The following ATP10D variants were observed in gnomAD, a reference collection of about 807,000 sequenced individuals.
The protein encoded by ATP10D is phospholipid-transporting ATPase VD.
Under a neutral mutation model 144.8 loss-of-function variants are expected in ATP10D, and 89 were observed. The ratio of observed to expected loss-of-function variants is 0.61; its 90% CI spans 0.52 to 0.73. The LOEUF (loss-of-function observed/expected upper bound fraction) is 0.73. Ranked by LOEUF, ATP10D falls within the 30% of genes least tolerant of loss-of-function variation. ATP10D has a pLI of 0.00. For synonymous variants in ATP10D, 571 were observed against 615.1 expected (o/e 0.93, Z 1.06); for missense variants, 1,603 against 1,714.8 (o/e 0.93, Z 1.15).
chr4:47,533,909 A>G (rs952366488), intron 5 of ATP10D, among the ~76,000 whole-genome samples: 1 of 152,168 alleles, frequency 6.6e-6, no homozygotes, highest in Non-Finnish European at 1.5e-5. Context: ...AAGGACTTAA[A>G]TGAGTCACAA....
intron 9 of ATP10D, 132 bp downstream of exon 9, chr4:47,537,070 G>T: frequency 1.9e-6 from 2 of 1,077,220 alleles, no homozygotes; most frequent in South Asian, 1.8e-5. Flanking sequence ...GCTTCCAGAT[G>T]GCCTTTAAAC....
At chr4:47,562,844 T>TAC (rs202007508) in intron 14 of ATP10D, among the ~76,000 whole-genome samples, 35 of 151,470 alleles carry the variant, frequency 2.3e-4, no homozygotes, top group East Asian at 3.9e-4. Flanking sequence ...TATATATATA[T>TAC]ACACACACAC....
chr4:47,537,063 TCC>T, intron 9 of ATP10D, 125 bp downstream of exon 9: 3 of 1,130,000 alleles, frequency 2.7e-6, no homozygotes, highest in Non-Finnish European at 3.7e-6. Flanking sequence ...ACTTAATGCT[TCC>T]AGATGGCCTT....
chr4:47,531,766 T>C (rs1048459038), intron 5 of ATP10D, among the ~76,000 whole-genome samples: 22 of 152,142 alleles, frequency 1.4e-4, no homozygotes, highest in South Asian at 4.1e-4. Context: ...GCTGCCATTT[T>C]TTCACCTGAG....
intron 15 of ATP10D, among the ~76,000 whole-genome samples, chr4:47,564,568 C>T (rs1251676417): frequency 6.6e-6 from 1 of 151,988 alleles, no homozygotes; most frequent in Non-Finnish European, 1.5e-5. Context: ...CTAGGTAGTG[C>T]TCCCGAGAAT....
rs1225545531 is a variant in ATP10D at position 47,568,918 on chromosome 4, A to G, written c.2935A>G (p.Ser979Gly). The G allele has an allele frequency of 6.2e-7, 1 of 1,614,212 alleles. No individual in the cohort carries two copies. The highest frequency in any genetic ancestry group is 1.1e-5 in the South Asian group (1 of 91,084). The stretch of plus-strand genomic sequence containing the variant: ...AGCCCTGCCAGAGCAAGTGTCATTA[A>G]GTGAAGATTTACTTCAGCCTCCTGT... ...TQALPEQVSL[S>G]EDLLQPPVPR... is the part of the protein sequence containing the mutation. The change falls in exon 16 of 23, where the codon AGT becomes GGT. Residue 979 changes from serine to glycine, a missense_variant. Ser to Gly is a moderately conservative substitution (Grantham distance 56). Transcript: ENST00000273859.
intron 22 of ATP10D, among the ~76,000 whole-genome samples, chr4:47,589,106 G>A (rs79565990): frequency 0.044 from 6,759 of 152,170 alleles, 523 homozygotes; most frequent in African/African-American, 0.15. Flanking sequence ...ATGACTATGG[G>A]ATCATGGATT....
chr4:47,550,649 T>C (rs1299239941), intron 10 of ATP10D, among the ~76,000 whole-genome samples: 1 of 151,838 alleles, frequency 6.6e-6, no homozygotes, highest in East Asian at 1.9e-4. Flanking sequence ...ATGCCGTGAG[T>C]GTTATAGCTC....
intron 4 of ATP10D, among the ~76,000 whole-genome samples, chr4:47,524,187 A>G (rs1372666344): frequency 6.6e-6 from 1 of 151,896 alleles, no homozygotes; most frequent in Non-Finnish European, 1.5e-5. Flanking sequence ...CGGCCTCCCA[A>G]AGTGCTGGGA....
At chr4:47,525,767 A>G (rs1040239528) in intron 5 of ATP10D, 125 bp downstream of exon 5, 10 of 716,048 alleles carry the variant, frequency 1.4e-5, no homozygotes, top group Non-Finnish European at 2.3e-5. Flanking sequence ...AACTTTAGCC[A>G]CCTACTAAAA....
intron 9 of ATP10D, among the ~76,000 whole-genome samples, chr4:47,545,750 G>C (rs922261987): frequency 6.6e-6 from 1 of 152,266 alleles, no homozygotes; most frequent in South Asian, 2.1e-4. Context: ...CTGACCTTTT[G>C]GAGATTGTAT....
chr4:47,514,065 CAA>C (rs1193777006), intron 2 of ATP10D, among the ~76,000 whole-genome samples: 2 of 152,114 alleles, frequency 1.3e-5, no homozygotes, highest in Non-Finnish European at 2.9e-5. Flanking sequence ...AAATGAAAAA[CAA>C]GAGTAAAAAG....
At position 47,558,052 on chromosome 4, in the gene ATP10D, G is replaced by A; in HGVS notation, c.2213G>A (p.Arg738Lys). 1 of 1,614,244 alleles carries A rather than the reference G, an allele frequency of 6.2e-7. No individual in the cohort carries two copies. The highest frequency in any genetic ancestry group is 2.2e-5 in the East Asian group (1 of 44,882). Reference sequence around the variant, plus strand: ...GAAGCGGCCTTAGTGTATGCCGCCAGGGCTTACCAATGCACTTTACGGTCT... The same window carrying A: ...GAAGCGGCCTTAGTGTATGCCGCCAAGGCTTACCAATGCACTTTACGGTCT... The part of the protein sequence containing the change: ...PDEAALVYAA[R>K]AYQCTLRSRT... The change falls in exon 12 of 23, where the codon AGG becomes AAG. Residue 738 changes from arginine to lysine, a missense_variant. Transcript: ENST00000273859.
At position 47,553,403 on chromosome 4, in the gene ATP10D, T is replaced by C. The variant is rs140850308; in HGVS notation, c.1636-1323T>C. ...AGCACAAGCCAGTAGAATTAATGAA[T>C]TTAGATAGAAACTTAGCAATGCTTT... is the stretch of plus-strand genomic sequence containing the variant. On this transcript the variant is annotated intron_variant, in intron 10 of 22. Transcript: ENST00000273859. Among the ~76,000 whole-genome samples the C allele has an allele frequency of 3.9e-5, 6 of 152,338 alleles. No homozygotes were observed. In the East Asian group the frequency reaches 1.2e-3, roughly 29 times the overall value.
intron 1 of ATP10D, among the ~76,000 whole-genome samples, chr4:47,487,227 C>A (rs62300107): frequency 3.3e-3 from 3 of 920 alleles, no homozygotes; most frequent in African/African-American, 4.8e-3. Flanking sequence ...AAAACTCCGT[C>A]CCCCAAAAAA....
At chr4:47,507,441 T>C (rs2109395584) in intron 1 of ATP10D, among the ~76,000 whole-genome samples, 1 of 152,310 alleles carries the variant, frequency 6.6e-6, no homozygotes, top group Non-Finnish European at 1.5e-5. Flanking sequence ...TAATGCCCTC[T>C]TGAAAGAGTC....
At chr4:47,515,745 C>T (rs1300354144) in intron 3 of ATP10D, 75 bp downstream of exon 3, 2 of 1,241,142 alleles carry the variant, frequency 1.6e-6, no homozygotes, top group African/African-American at 3.0e-5. Context: ...CTTTTTTCTC[C>T]TTAGGTGTGA....
chr4:47,536,536 TG>T lies in ATP10D; in HGVS notation c.1116del (p.Met372IlefsTer5). 6.2e-7 allele frequency: 1 copy of T among 1,613,220 alleles called. No homozygotes were observed. On this transcript the variant is annotated frameshift_variant, in exon 8 of 23. Coordinates refer to ENST00000273859, the MANE Select transcript of ATP10D (RefSeq NM_020453.4). LOFTEE classifies it high-confidence loss of function. Reference sequence around the variant, plus strand: ...TCACCACTGTTGGCAGGATTTTATATGTTTTGGACCATGATCATTTTGTTAC... The same window carrying T: ...TCACCACTGTTGGCAGGATTTTATATTTTTGGACCATGATCATTTTGTTAC... ...IISPLLAGFY[M>X]FWTMIILLQV...
chr4:47,494,380 T>C (rs1427026543), intron 1 of ATP10D, among the ~76,000 whole-genome samples: 1 of 152,090 alleles, frequency 6.6e-6, no homozygotes, highest in Non-Finnish European at 1.5e-5. Context: ...ATACGCCTAC[T>C]GTGACCATTA....
Sources: gnomAD v4.1 joint callset for allele counts (sites outside exome capture counted in the v4.1 genomes callset) on GRCh38, gnomAD v4.1.1 for gene constraint, MANE v1.5 for transcripts, NCBI Gene and HGNC (gene_info 2026-07-23, HGNC 2026-07-21) for gene names.